TAF2: variants seen among roughly 807,000 people sequenced by gnomAD.
TAF2 encodes the protein transcription initiation factor TFIID subunit 2.
Under a neutral mutation model 138.5 loss-of-function variants are expected in TAF2, and 61 were observed. The observed-to-expected ratio is 0.44, with a 90% confidence interval of 0.36 to 0.54. The LOEUF is 0.54. Among genes scored for constraint, TAF2 ranks in the 20% least tolerant of loss-of-function variants. The pLI, the probability that TAF2 is intolerant of heterozygous loss-of-function variation, is 0.00. For missense variants in TAF2, 1,090 were observed against 1,427.9 expected (o/e 0.76, Z 3.81); for synonymous variants, 475 against 469.9 (o/e 1.01, Z -0.14).
chr8:119,756,699 T>C (rs1820722294), intron 21 of TAF2, among the ~76,000 whole-genome samples: 1 of 152,134 alleles, frequency 6.6e-6, no homozygotes, highest in Non-Finnish European at 1.5e-5. Context: ...GAGAAGAGTA[T>C]CCTAAAAGAG....
chr8:119,823,226 T>A (rs752770246), intron 2 of TAF2, among the ~76,000 whole-genome samples: 1 of 152,180 alleles, frequency 6.6e-6, no homozygotes, highest in Non-Finnish European at 1.5e-5. Context: ...CTTGAAAAAG[T>A]AGAATATGTT....
chr8:119,747,462 T>C (rs1329484410), intron 22 of TAF2, among the ~76,000 whole-genome samples: 1 of 152,204 alleles, frequency 6.6e-6, no homozygotes, highest in Non-Finnish European at 1.5e-5. Flanking sequence ...GCAGTAGACG[T>C]GGACTTGACC....
intron 25 of TAF2, among the ~76,000 whole-genome samples, chr8:119,741,519 CAT>C (rs1402403475): frequency 6.6e-6 from 1 of 152,148 alleles, no homozygotes; most frequent in East Asian, 1.9e-4. Flanking sequence ...CTTTCTGAAA[CAT>C]ATTTTAGGTG....
intron 3 of TAF2, among the ~76,000 whole-genome samples, chr8:119,810,695 ATAATT>A (rs1217730626): frequency 1.3e-5 from 2 of 152,356 alleles, no homozygotes; most frequent in Non-Finnish European, 2.9e-5. Flanking sequence ...TCTATAGAGT[ATAATT>A]TATTTTCAAT....
intron 22 of TAF2, among the ~76,000 whole-genome samples, chr8:119,754,853 A>G (rs530339767): frequency 6.6e-6 from 1 of 152,316 alleles, no homozygotes; most frequent in East Asian, 1.9e-4. Flanking sequence ...AAAGGTACAC[A>G]TTTATAAATC....
intron 18 of TAF2, among the ~76,000 whole-genome samples, chr8:119,773,762 T>G (rs527279949): frequency 1.3e-5 from 2 of 151,750 alleles, no homozygotes; most frequent in Non-Finnish European, 2.9e-5. Context: ...TCTCTCTAGA[T>G]TCAACCTTTC....
intron 24 of TAF2, 22 bp from the exon 25 acceptor site, chr8:119,742,678 A>G (rs751334302): frequency 2.0e-5 from 32 of 1,613,048 alleles, no homozygotes; most frequent in Non-Finnish European, 2.5e-5. Flanking sequence ...AACAAGAGAA[A>G]AAAGAGGGAT....
Position 119,783,576 on chromosome 8 carries a change from C to T in TAF2, c.1917G>A (p.Lys639=). ...RIDPDMSVLR[K]VEFEQADFMW... is the part of the protein sequence containing the mutation. ...TAAAATCAGCTTGCTCAAATTCTAC[C>T]TTCCTCAATACTGACATATCTGGGT... is the stretch of plus-strand genomic sequence containing the variant. Residue 639 remains lysine (K), a synonymous_variant, in exon 16 of 26, where the codon AAG becomes AAA. Coordinates refer to ENST00000378164, the MANE Select transcript of TAF2 (RefSeq NM_003184.4). 6.2e-7 allele frequency: 1 copy of T among 1,614,170 alleles called. No individual in the cohort carries two copies. The highest frequency in any genetic ancestry group is 8.5e-7 in the Non-Finnish European group (1 of 1,180,022).
intron 2 of TAF2, among the ~76,000 whole-genome samples, chr8:119,820,900 T>C (rs1172481006): frequency 6.6e-6 from 1 of 152,216 alleles, no homozygotes; most frequent in African/African-American, 2.4e-5. Context: ...TGAGCTGCTG[T>C]AGGAAGGAAG....
At chr8:119,825,677 T>C (rs1381965483) in intron 2 of TAF2, among the ~76,000 whole-genome samples, 1 of 151,954 alleles carries the variant, frequency 6.6e-6, no homozygotes, top group Non-Finnish European at 1.5e-5. Flanking sequence ...ACCTGACGGT[T>C]TTTTTGTTTG....
chr8:119,770,981 G>A (rs933810349), intron 18 of TAF2, among the ~76,000 whole-genome samples: 1 of 152,072 alleles, frequency 6.6e-6, no homozygotes, highest in African/African-American at 2.4e-5. Context: ...TGAGGCAGAA[G>A]AACTGCTTGA....
chr8:119,817,307 C>T (rs1825541611), intron 3 of TAF2, among the ~76,000 whole-genome samples: 1 of 152,184 alleles, frequency 6.6e-6, no homozygotes, highest in Admixed American at 6.5e-5. Flanking sequence ...GCATTACCTT[C>T]TGAGCTTTGC....
chr8:119,815,965 C>G (rs902167123), intron 3 of TAF2, among the ~76,000 whole-genome samples: 5 of 152,018 alleles, frequency 3.3e-5, no homozygotes, highest in African/African-American at 1.2e-4. Flanking sequence ...GATAGAAATG[C>G]CTTTCAGCCT....
intron 22 of TAF2, among the ~76,000 whole-genome samples, chr8:119,755,684 C>A (rs1179826026): frequency 3.3e-5 from 5 of 152,034 alleles, no homozygotes; most frequent in Non-Finnish European, 5.9e-5. Context: ...CAGGGAAAGA[C>A]GTGAGACTTA....
intron 25 of TAF2, 86 bp downstream of exon 25, chr8:119,742,436 ATTTTTAAAGGGT>A (rs1011089671): frequency 2.7e-6 from 4 of 1,487,086 alleles, no homozygotes; most frequent in Non-Finnish European, 3.7e-6. Flanking sequence ...TAAGATCTGT[ATTTTTAAAGGGT>A]TTTTTAAAGT....
At position 119,746,871 on chromosome 8, in the gene TAF2, A is replaced by G. The variant is rs947802383; in HGVS notation, c.2942T>C (p.Leu981Pro). 1.1e-5 allele frequency: 18 copies of G among 1,614,042 alleles called. No individual in the cohort carries two copies. The highest frequency in any genetic ancestry group is 2.7e-5 in the African/African-American group (2 of 74,918). ...AVDLYFTLFG[L>P]SRPSCLPLPE... ...CAAGGGTAAACAGGAAGGTCTACTG[A>G]GGCCAAAAAGTGTGAAGTACAAGTC... The change falls in exon 23 of 26, where the codon CTC becomes CCC. Residue 981 changes from leucine to proline, a missense_variant. By Grantham distance (98) the Leu-to-Pro change is moderately conservative (BLOSUM62 -3). Transcript: ENST00000378164.
chr8:119,822,503 T>A (rs983965920), intron 2 of TAF2, among the ~76,000 whole-genome samples: 1 of 152,108 alleles, frequency 6.6e-6, no homozygotes, highest in African/African-American at 2.4e-5. Flanking sequence ...GGATTACAGG[T>A]ATAAATACTG....
At chr8:119,798,544 T>A (rs547945270) in intron 6 of TAF2, among the ~76,000 whole-genome samples, 39 of 152,280 alleles carry the variant, frequency 2.6e-4, no homozygotes, top group Admixed American at 5.9e-4. Context: ...TGGTAATCTT[T>A]TTGAGTTCAA....
intron 22 of TAF2, among the ~76,000 whole-genome samples, chr8:119,752,412 C>T (rs1820412260): frequency 1.3e-5 from 2 of 152,036 alleles, no homozygotes; most frequent in African/African-American, 4.8e-5. Context: ...AGGCAGAGAC[C>T]AGGCAGCCCT....
Sources: gnomAD v4.1 joint callset for allele counts (sites outside exome capture counted in the v4.1 genomes callset) on GRCh38, gnomAD v4.1.1 for gene constraint, MANE v1.5 for transcripts, NCBI Gene and HGNC (gene_info 2026-07-23, HGNC 2026-07-21) for gene names.